The following MTMR14 variants were observed in gnomAD, a reference collection of about 807,000 sequenced individuals.
MTMR14 encodes phosphatidylinositol-3,5-bisphosphate 3-phosphatase MTMR14.
MTMR14 carries 48 observed loss-of-function variants against 86.3 expected under a neutral mutation model. That is an observed-to-expected ratio of 0.56 (90% CI 0.44 to 0.71). The LOEUF (loss-of-function observed/expected upper bound fraction) is 0.71, where lower values mean the gene tolerates loss of function less well. Ranked by LOEUF, MTMR14 falls within the 30% of genes least tolerant of loss-of-function variation. MTMR14 has a pLI of 0.00. For missense variants in MTMR14, 780 were observed against 834.6 expected, an observed-to-expected ratio of 0.93 and a Z score of 0.81; for synonymous variants, 366 against 326.1, an observed-to-expected ratio of 1.12 and a Z score of -1.32.
chr3:9,701,391 C>A lies in MTMR14; in HGVS notation c.1770-399C>A. On this transcript the variant is annotated intron_variant, in intron 18 of 18. Coordinates refer to ENST00000296003, the MANE Select transcript of MTMR14 (RefSeq NM_001077525.3). The surrounding 1 kb of genome is among the most constrained non-coding windows in gnomAD (Gnocchi z 4.2). The stretch of plus-strand genomic sequence containing the variant: ...ACCAGCCTGGGCAACATGGTAAAAC[C>A]CTATCATGGTGGCATGTGCCTGTAG... The A allele has an allele frequency of 3.3e-6, 1 of 305,936 alleles. No individual in the cohort carries two copies. 19.0% of individuals were successfully genotyped at this position (305,936 alleles called of 1,614,324 possible). A position where few individuals can be genotyped will look rare whatever the true frequency, so the allele number is the denominator to read the frequency against.
chr3:9,690,461 A>T (rs2076104426), intron 17 of MTMR14, among the ~76,000 whole-genome samples: 1 of 152,320 alleles, frequency 6.6e-6, no homozygotes, highest in African/African-American at 2.4e-5. Flanking sequence ...CGCACCTCCC[A>T]TTGTGATTGA....
intron 17 of MTMR14, among the ~76,000 whole-genome samples, chr3:9,694,114 C>T (rs183766661): frequency 8.5e-4 from 129 of 152,268 alleles, no homozygotes; most frequent in Admixed American, 1.5e-3. Flanking sequence ...GCTTTACTCC[C>T]GTTGGAGGTT....
rs148979815 is a variant in MTMR14, at chr3:9,684,661, C to T, written c.1041C>T (p.Ser347=). Residue 347 remains serine, a synonymous_variant, in exon 11 of 19, where the codon TCC becomes TCT. Coordinates refer to ENST00000296003, the MANE Select transcript of MTMR14 (RefSeq NM_001077525.3). ...TCTTCATCTCCCTCCTGCGCCTTTC[C>T]TTGTGGGCTGTGAGTATGAATCGGC... ...TPLFISLLRL[S]LWADGLIHTS... 2.2e-5 allele frequency: 35 copies of T among 1,613,996 alleles called. 1 individual carries two copies. The South Asian group carries it at 3.3e-4, about 15-fold the overall frequency.
At chr3:9,691,130 T>C (rs1279399801) in intron 17 of MTMR14, among the ~76,000 whole-genome samples, 1 of 152,218 alleles carries the variant, frequency 6.6e-6, no homozygotes, top group East Asian at 1.9e-4. Context: ...GCAGAGCAGA[T>C]AAGCGGGAGG....
chr3:9,653,570 C>G, intron 1 of MTMR14, 51 bp from the exon 2 acceptor site: 1 of 1,612,796 alleles, frequency 6.2e-7, no homozygotes, highest in South Asian at 1.1e-5. Flanking sequence ...CTAATTCTCA[C>G]CCTCAGAACC....
intron 4 of MTMR14, 110 bp downstream of exon 4, chr3:9,668,904 C>A: frequency 9.0e-7 from 1 of 1,109,940 alleles, no homozygotes; most frequent in Non-Finnish European, 1.4e-6. Flanking sequence ...CTTTGGGAGG[C>A]CAAGGCGAGC....
chr3:9,651,232 C>G lies in MTMR14; in HGVS notation c.159+1490C>G, dbSNP rs1467977181. On this transcript the variant is annotated intron_variant, in intron 1 of 18. Transcript: ENST00000296003. ...TCCTCCCACTTAAGCCTGCCAAGCA[C>G]CTGGGACCACAGGTACACACCACCA... Among the ~76,000 whole-genome samples the G allele has an allele frequency of 2.6e-5, 4 of 152,162 alleles. No individual in the cohort carries two copies. In the East Asian group the frequency reaches 5.8e-4, roughly 22 times the overall value.
intron 2 of MTMR14, 71 bp downstream of exon 2, chr3:9,653,840 C>G (rs1219629496): frequency 2.5e-6 from 4 of 1,595,708 alleles, no homozygotes; most frequent in Non-Finnish European, 3.4e-6. Flanking sequence ...GCCAGGAAGT[C>G]TGTAGCTGGG....
chr3:9,701,289 G>A lies in MTMR14; in HGVS notation c.1770-501G>A. 5.2e-6 allele frequency: 1 copy of A among 193,124 alleles called. No individual in the cohort carries two copies. 12.0% of individuals were successfully genotyped at this position (193,124 alleles called of 1,614,324 possible). A position where few individuals can be genotyped will look rare whatever the true frequency, so the allele number is the denominator to read the frequency against. On this transcript the variant is annotated intron_variant, in intron 18 of 18. Transcript: ENST00000296003. This position sits in a 1 kb window ranked among gnomAD's most constrained non-coding sequence, Gnocchi z 4.2. ...TTCACAACAGGTCAGGTCAGGCCAG[G>A]CACAGTTGCTCACGCCTGTAATCCC...
intron 3 of MTMR14, 60 bp from the exon 4 acceptor site, chr3:9,668,658 TC>T (rs2048391107): frequency 3.8e-6 from 6 of 1,568,558 alleles, no homozygotes; most frequent in Non-Finnish European, 5.3e-6. Flanking sequence ...TCCCACATGT[TC>T]CTTCAACTGT....
Position 9,690,073 on chromosome 3 carries a change from T to G in MTMR14, c.1543T>G (p.Ser515Ala), listed in dbSNP as rs764804694. The G allele has an allele frequency of 6.8e-6, 11 of 1,613,358 alleles. No homozygotes were observed. The African/African-American group carries it at 1.5e-4, about 22-fold the overall frequency. The stretch of plus-strand genomic sequence containing the variant: ...GCTGGCGGAAGCCAGGTCTTCCAGC[T>G]CCTCTTCCTCAAACCATTCTGATAA... The part of the protein sequence containing the change: ...QGLAEARSSS[S>A]SSSNHSDNFF... Residue 515 changes from serine (S) to alanine (A), a missense_variant, in exon 17 of 19, where the codon TCC becomes GCC. Physicochemically the swap from Ser to Ala is moderately conservative, Grantham distance 99. Transcript: ENST00000296003.
At chr3:9,669,807 ACAGAGTTGC>A (rs1416682179) in intron 5 of MTMR14, among the ~76,000 whole-genome samples, 1 of 152,156 alleles carries the variant, frequency 6.6e-6, no homozygotes, top group Non-Finnish European at 1.5e-5. Context: ...TTAAAGCCCC[ACAGAGTTGC>A]CAGTTTGCAG....
intron 2 of MTMR14, among the ~76,000 whole-genome samples, chr3:9,661,572 AATAG>A (rs1416990402): frequency 1.1e-4 from 17 of 152,100 alleles, no homozygotes; most frequent in East Asian, 7.7e-4. Flanking sequence ...TTATGCAAAA[AATAG>A]ATAGTCACAA....
At chr3:9,671,272 A>G (rs2048554724) in intron 6 of MTMR14, 102 bp downstream of exon 6, 1 of 1,521,318 alleles carries the variant, frequency 6.6e-7, no homozygotes, top group South Asian at 1.1e-5. Context: ...CCTTCTTACA[A>G]AGGGCTTTCT....
At chr3:9,678,834 T>G (rs1388480066) in intron 9 of MTMR14, among the ~76,000 whole-genome samples, 1 of 152,238 alleles carries the variant, frequency 6.6e-6, no homozygotes, top group African/African-American at 2.4e-5. Context: ...GTCACTGATT[T>G]AGAGATCTGC....
At chr3:9,660,962 A>C (rs2047893997) in intron 2 of MTMR14, among the ~76,000 whole-genome samples, 1 of 152,148 alleles carries the variant, frequency 6.6e-6, no homozygotes, top group African/African-American at 2.4e-5. Context: ...AGTTTATGAG[A>C]GCGGACCCTT....
Position 9,672,673 on chromosome 3 carries a change from C to G in MTMR14, c.678-12C>G, listed in dbSNP as rs970950438. The G allele has an allele frequency of 5.6e-6, 9 of 1,612,404 alleles. No individual in the cohort carries two copies. Among genetic ancestry groups the G allele is most frequent in the Non-Finnish European group, 6.8e-6 (8 of 1,178,566 alleles). On this transcript the variant is annotated splice_polypyrimidine_tract_variant and intron_variant, in intron 6 of 18. Transcript: ENST00000296003. ...TTGCGACACTGTAACACATTGTATC[C>G]TTGTCTTGTAGTGTAACCTCCTCTG...
chr3:9,657,077 T>A (rs1226267730), intron 2 of MTMR14, among the ~76,000 whole-genome samples: 1 of 151,978 alleles, frequency 6.6e-6, no homozygotes, highest in Non-Finnish European at 1.5e-5. Context: ...CACTCCCAGC[T>A]GATTTTTTTT....
At chr3:9,663,721 G>A (rs1207100233) in intron 3 of MTMR14, among the ~76,000 whole-genome samples, 1 of 151,028 alleles carries the variant, frequency 6.6e-6, no homozygotes, top group Non-Finnish European at 1.5e-5. Context: ...CACCGTGTTA[G>A]CCAGGATTGT....
Sources: gnomAD v4.1 joint callset for allele counts (sites outside exome capture counted in the v4.1 genomes callset) on GRCh38, gnomAD v4.1.1 for gene constraint, Gnocchi (gnomAD v3.1) non-coding constraint, MANE v1.5 for transcripts, NCBI Gene and HGNC (gene_info 2026-07-23, HGNC 2026-07-21) for gene names.